Variants in KCNJ3 observed in about 807,000 individuals in gnomAD.
The protein encoded by KCNJ3 is potassium inwardly rectifying channel subfamily J member 3.
A neutral mutation model predicts 39.2 loss-of-function variants in KCNJ3; 4 were observed. That is an observed-to-expected ratio of 0.10 (90% CI 0.05 to 0.23). The LOEUF is 0.23. Ranked by LOEUF, KCNJ3 falls within the 10% of genes least tolerant of loss-of-function variation. KCNJ3 has a pLI of 1.00. For synonymous variants in KCNJ3, 230 were observed against 237.4 expected (o/e 0.97, Z 0.29); for missense variants, 276 against 634.9 (o/e 0.43, Z 6.08).
In KCNJ3 at chr2:154,843,840, A is replaced by C. The variant is rs562184801; in HGVS notation, c.920-10887A>C. ...GTTTATTCTAGTTAGCCATTCGTCT[A>C]ATCTTTCTTTTTTCAAGGTTTTTAC... On this transcript the variant is annotated intron_variant, in intron 2 of 2. Coordinates refer to ENST00000295101, the MANE Select transcript of KCNJ3 (RefSeq NM_002239.4). Among the ~76,000 whole-genome samples the C allele has an allele frequency of 9.9e-5, 15 of 152,182 alleles. No homozygotes were observed. In the South Asian group the frequency reaches 3.1e-3, roughly 32 times the overall value.
At chr2:154,850,949 A>G (rs547357910) in intron 2 of KCNJ3, among the ~76,000 whole-genome samples, 1 of 152,272 alleles carries the variant, frequency 6.6e-6, no homozygotes, top group African/African-American at 2.4e-5. Context: ...TTGTCTGACA[A>G]TTTTAAAAAC....
intron 2 of KCNJ3, among the ~76,000 whole-genome samples, chr2:154,754,292 G>T (rs1027083014): frequency 6.6e-6 from 1 of 151,632 alleles, no homozygotes; most frequent in African/African-American, 2.4e-5. Context: ...TTTTTGAAAC[G>T]GAGTTTCTCT....
intron 2 of KCNJ3, among the ~76,000 whole-genome samples, chr2:154,844,111 G>A (rs1304160249): frequency 6.6e-6 from 1 of 152,206 alleles, no homozygotes; most frequent in Non-Finnish European, 1.5e-5. Flanking sequence ...ATGTTGGTGA[G>A]CTACAGATGG....
intron 2 of KCNJ3, among the ~76,000 whole-genome samples, chr2:154,836,123 T>A (rs183887432): frequency 2.3e-3 from 349 of 149,274 alleles, no homozygotes; most frequent in African/African-American, 8.3e-3. Flanking sequence ...GGCAGGAGAA[T>A]CACTTGAACT....
intron 2 of KCNJ3, among the ~76,000 whole-genome samples, chr2:154,748,566 G>T (rs1685784946): frequency 6.6e-6 from 1 of 151,910 alleles, no homozygotes; most frequent in African/African-American, 2.4e-5. Flanking sequence ...CCTGTGCCTT[G>T]GAACCAAACT....
chr2:154,754,593 A>G (rs185108061), intron 2 of KCNJ3, among the ~76,000 whole-genome samples: 24 of 152,306 alleles, frequency 1.6e-4, no homozygotes, highest in Middle Eastern at 3.4e-3. Flanking sequence ...TTCTTTAATA[A>G]TACTTCAATA....
At chr2:154,752,918 A>G (rs960543910) in intron 2 of KCNJ3, among the ~76,000 whole-genome samples, 3 of 152,044 alleles carry the variant, frequency 2.0e-5, no homozygotes, top group African/African-American at 7.2e-5. Flanking sequence ...AAACAAAACA[A>G]TTATGTCTAA....
At position 154,699,796 on chromosome 2, in the gene KCNJ3, G is replaced by C. The variant is rs1684855707; in HGVS notation, c.702+319G>C. Among the ~76,000 whole-genome samples, 1 of 152,156 alleles carries C rather than the reference G, an allele frequency of 6.6e-6. No homozygotes were observed. Among genetic ancestry groups the C allele is most frequent in the Admixed American group, 6.5e-5 (1 of 15,284 alleles). On this transcript the variant is annotated intron_variant, in intron 1 of 2. Transcript: ENST00000295101. This position sits in a 1 kb window ranked among gnomAD's most constrained non-coding sequence, Gnocchi z 6.4. ...CAATTAGTGCCCTGTTCGCCTTCCT[G>C]TCCCTGTTGCTTCGCTATTCAGAGC...
intron 2 of KCNJ3, among the ~76,000 whole-genome samples, chr2:154,780,935 A>G (rs1351924555): frequency 2.6e-5 from 4 of 152,232 alleles, no homozygotes; most frequent in African/African-American, 7.2e-5. Context: ...TTAAGGCAGC[A>G]GAAGGAATTA....
chr2:154,750,676 C>A (rs181999770), intron 2 of KCNJ3, among the ~76,000 whole-genome samples: 6 of 151,940 alleles, frequency 3.9e-5, no homozygotes, highest in Non-Finnish European at 7.4e-5. Flanking sequence ...TTTCACCGTC[C>A]AGAACTAATT....
At chr2:154,732,822 A>G (rs1313107176) in intron 2 of KCNJ3, among the ~76,000 whole-genome samples, 1 of 152,144 alleles carries the variant, frequency 6.6e-6, no homozygotes, top group East Asian at 1.9e-4. Flanking sequence ...AAAATCATGC[A>G]TTATTTACAG....
At chr2:154,826,770 A>T (rs1687278273) in intron 2 of KCNJ3, among the ~76,000 whole-genome samples, 1 of 152,166 alleles carries the variant, frequency 6.6e-6, no homozygotes, top group South Asian at 2.1e-4. Context: ...ACATGTTTAG[A>T]TCAGACATTT....
At chr2:154,840,599 T>C (rs1470892392) in intron 2 of KCNJ3, among the ~76,000 whole-genome samples, 2 of 152,224 alleles carry the variant, frequency 1.3e-5, no homozygotes, top group Non-Finnish European at 2.9e-5. Flanking sequence ...ATTTGTGTCC[T>C]CTTTTAGTTC....
In KCNJ3 at chr2:154,699,658, C is replaced by G; in HGVS notation, c.702+181C>G. ...AAGAATGCGGTTGACAGTTCTGTTC[C>G]TTTTCCACTCACTCTCGTGCTCTTG... is the stretch of plus-strand genomic sequence containing the variant. On this transcript the variant is annotated intron_variant, in intron 1 of 2. Coordinates refer to ENST00000295101, the MANE Select transcript of KCNJ3 (RefSeq NM_002239.4). The surrounding 1 kb of genome is among the most constrained non-coding windows in gnomAD (Gnocchi z 6.4). 2.6e-6 allele frequency: 1 copy of G among 379,164 alleles called. No homozygotes were observed. Among genetic ancestry groups the G allele is most frequent in the Non-Finnish European group, 3.6e-6 (1 of 275,746 alleles). The allele number at this position is 379,164 out of a possible 1,614,324, so 23.5% of individuals were successfully genotyped here.
At chr2:154,793,222 T>C (rs1244708976) in intron 2 of KCNJ3, among the ~76,000 whole-genome samples, 1 of 152,110 alleles carries the variant, frequency 6.6e-6, no homozygotes, top group Non-Finnish European at 1.5e-5. Flanking sequence ...GAGTTTTTAC[T>C]GTATTTTTTC....
intron 2 of KCNJ3, among the ~76,000 whole-genome samples, chr2:154,743,734 T>G (rs1685690180): frequency 6.6e-6 from 1 of 151,694 alleles, no homozygotes; most frequent in African/African-American, 2.4e-5. Context: ...ATTTAAAGGT[T>G]GCTATTTTTT....
chr2:154,756,059 T>G (rs1245575072), intron 2 of KCNJ3, among the ~76,000 whole-genome samples: 4 of 152,122 alleles, frequency 2.6e-5, no homozygotes, highest in African/African-American at 4.8e-5. Context: ...ACCTTTATAT[T>G]GTGGTTCCTA....
At chr2:154,763,297 C>T (rs1211148157) in intron 2 of KCNJ3, among the ~76,000 whole-genome samples, 2 of 151,864 alleles carry the variant, frequency 1.3e-5, no homozygotes, top group African/African-American at 4.8e-5. Context: ...CTTTTTCTTC[C>T]CCATTGGATT....
At chr2:154,703,508 T>C (rs1050303220) in intron 1 of KCNJ3, among the ~76,000 whole-genome samples, 2 of 151,800 alleles carry the variant, frequency 1.3e-5, no homozygotes, top group Admixed American at 6.6e-5. Context: ...TGTGTGTGTA[T>C]ACATATCCTC....
Sources: gnomAD v4.1 joint callset for allele counts (sites outside exome capture counted in the v4.1 genomes callset) on GRCh38, gnomAD v4.1.1 for gene constraint, Gnocchi (gnomAD v3.1) non-coding constraint, MANE v1.5 for transcripts, NCBI Gene and HGNC (gene_info 2026-07-23, HGNC 2026-07-21) for gene names.